ZMAT4: variants seen among roughly 807,000 people sequenced by gnomAD.
ZMAT4 encodes zinc finger matrin-type 4.
ZMAT4 carries 17 observed loss-of-function variants against 28.7 expected under a neutral mutation model. That is an observed-to-expected ratio of 0.59 (90% CI 0.41 to 0.89). The LOEUF (loss-of-function observed/expected upper bound fraction) is 0.89. Among genes scored for constraint, ZMAT4 ranks in the 40% least tolerant of loss-of-function variants. The probability of loss-of-function intolerance (pLI) is 0.00; values close to 1 mark genes in which losing one functional copy is unlikely to be tolerated. For missense variants in ZMAT4, 240 were observed against 283.8 expected (o/e 0.85, Z 1.11); for synonymous variants, 117 against 109.2 (o/e 1.07, Z -0.44).
At chr8:40,566,163 C>T (rs1803918989) in intron 6 of ZMAT4, among the ~76,000 whole-genome samples, 2 of 152,270 alleles carry the variant, frequency 1.3e-5, no homozygotes, top group East Asian at 1.9e-4. Flanking sequence ...CGCCGTGACA[C>T]ACTATCTCAC....
intron 5 of ZMAT4, among the ~76,000 whole-genome samples, chr8:40,604,792 G>A (rs772801107): frequency 1.3e-5 from 2 of 152,252 alleles, no homozygotes; most frequent in Non-Finnish European, 2.9e-5. Context: ...GTGTCAGTAA[G>A]GTTGGTATCA....
intron 3 of ZMAT4, among the ~76,000 whole-genome samples, chr8:40,766,820 G>A (rs1216824257): frequency 1.3e-5 from 2 of 152,164 alleles, no homozygotes; most frequent in East Asian, 1.9e-4. Flanking sequence ...AATTTTTAAT[G>A]AGAAAAGAAA....
intron 3 of ZMAT4, among the ~76,000 whole-genome samples, chr8:40,741,362 G>A (rs761399001): frequency 5.3e-5 from 8 of 151,078 alleles, no homozygotes; most frequent in African/African-American, 1.9e-4. Flanking sequence ...TAGGAGAATC[G>A]CTTGAACCTA....
At chr8:40,822,719 G>A (rs956964888) in intron 2 of ZMAT4, among the ~76,000 whole-genome samples, 7 of 152,204 alleles carry the variant, frequency 4.6e-5, no homozygotes, top group African/African-American at 1.7e-4. Flanking sequence ...TTTGCGGCAA[G>A]AATGCACAGC....
At chr8:40,788,185 C>T (rs1228502049) in intron 2 of ZMAT4, among the ~76,000 whole-genome samples, 3 of 152,262 alleles carry the variant, frequency 2.0e-5, no homozygotes, top group African/African-American at 7.2e-5. Context: ...ACTCCTTCTA[C>T]ATATATTAAA....
chr8:40,752,733 A>G (rs556266383), intron 3 of ZMAT4, among the ~76,000 whole-genome samples: 13 of 152,226 alleles, frequency 8.5e-5, no homozygotes, highest in African/African-American at 2.9e-4. Flanking sequence ...CACTTCTGCC[A>G]TCAGCCACAC....
intron 1 of ZMAT4, among the ~76,000 whole-genome samples, chr8:40,841,047 T>G (rs980260454): frequency 6.6e-6 from 1 of 152,218 alleles, no homozygotes; most frequent in Non-Finnish European, 1.5e-5. Flanking sequence ...AGAACCCTGT[T>G]GGATGCTGGC....
intron 2 of ZMAT4, among the ~76,000 whole-genome samples, chr8:40,797,107 C>T (rs561761883): frequency 1.4e-4 from 21 of 152,304 alleles, no homozygotes; most frequent in Admixed American, 1.3e-3. Context: ...TGCCATCCAC[C>T]TGGAGTGTCC....
chr8:40,658,013 A>C (rs1436349914), intron 5 of ZMAT4, among the ~76,000 whole-genome samples: 8 of 152,142 alleles, frequency 5.3e-5, no homozygotes, highest in Non-Finnish European at 1.2e-4. Flanking sequence ...TACCTATTTA[A>C]TTTCAAGTTC....
intron 2 of ZMAT4, among the ~76,000 whole-genome samples, chr8:40,773,305 C>T (rs1813458994): frequency 6.6e-6 from 1 of 152,090 alleles, no homozygotes; most frequent in African/African-American, 2.4e-5. Flanking sequence ...GCTGGAAGAC[C>T]CCGAGGTGCC....
chr8:40,541,723 GA>G (rs1488356031), intron 6 of ZMAT4, among the ~76,000 whole-genome samples: 1 of 151,986 alleles, frequency 6.6e-6, no homozygotes, highest in African/African-American at 2.4e-5. Context: ...AAAATAAAAT[GA>G]AAAAAATAAC....
intron 6 of ZMAT4, among the ~76,000 whole-genome samples, chr8:40,547,993 G>A (rs916739503): frequency 4.6e-5 from 7 of 152,182 alleles, no homozygotes; most frequent in African/African-American, 1.4e-4. Flanking sequence ...CATTTGGCAT[G>A]TGGTTGTCAG....
intron 6 of ZMAT4, among the ~76,000 whole-genome samples, chr8:40,575,203 A>G (rs913365237): frequency 5.3e-5 from 8 of 152,128 alleles, no homozygotes; most frequent in Admixed American, 2.0e-4. Flanking sequence ...CTGCCCCCAG[A>G]TAGTCTTCCC....
intron 5 of ZMAT4, among the ~76,000 whole-genome samples, chr8:40,620,772 C>A (rs1008981996): frequency 3.3e-5 from 5 of 152,218 alleles, no homozygotes; most frequent in Admixed American, 6.5e-5. Context: ...CAGTGCTTAA[C>A]ACAACCTCTC....
At chr8:40,851,455 G>A (rs957789155) in intron 1 of ZMAT4, among the ~76,000 whole-genome samples, 1 of 152,182 alleles carries the variant, frequency 6.6e-6, no homozygotes. Context: ...AAAATCTACT[G>A]TCTAGTTAAT....
At chr8:40,674,164 G>T (rs1363025791) in intron 5 of ZMAT4, among the ~76,000 whole-genome samples, 2 of 143,664 alleles carry the variant, frequency 1.4e-5, no homozygotes, top group African/African-American at 5.2e-5. Context: ...GCAAAATCTC[G>T]GCTCACTGCA....
intron 3 of ZMAT4, among the ~76,000 whole-genome samples, chr8:40,756,426 T>TTATATATATATA (rs72008675): frequency 0.014 from 993 of 73,044 alleles, 48 homozygotes; most frequent in East Asian, 0.053. Flanking sequence ...AAATGTTCTT[T>TTATATATATATA]TATATATATA....
At chr8:40,832,875 G>A (rs1225488197) in intron 1 of ZMAT4, among the ~76,000 whole-genome samples, 1 of 152,238 alleles carries the variant, frequency 6.6e-6, no homozygotes, top group Non-Finnish European at 1.5e-5. Context: ...AAGTATGGGA[G>A]TGAGGGCTGA....
intron 3 of ZMAT4, among the ~76,000 whole-genome samples, chr8:40,704,069 G>A (rs1005280407): frequency 2.2e-4 from 34 of 152,192 alleles, no homozygotes; most frequent in Admixed American, 1.8e-3. Flanking sequence ...TATACCTGAA[G>A]GCAACAGTCA....
Sources: gnomAD v4.1 joint callset for allele counts (sites outside exome capture counted in the v4.1 genomes callset) on GRCh38, gnomAD v4.1.1 for gene constraint, MANE v1.5 for transcripts, NCBI Gene and HGNC (gene_info 2026-07-23, HGNC 2026-07-21) for gene names.